Variants in MICAL2 observed in about 807,000 individuals in gnomAD.
MICAL2 encodes the protein [F-actin]-monooxygenase MICAL2.
MICAL2 carries 77 observed loss-of-function variants against 127.3 expected under a neutral mutation model. The observed-to-expected ratio is 0.60, with a 90% CI of 0.50 to 0.73. The LOEUF is 0.73. MICAL2 is among the 30% of genes least tolerant of loss of function. The pLI, the probability that MICAL2 is intolerant of heterozygous loss-of-function variation, is 0.00. For synonymous variants in MICAL2, 570 were observed against 551.1 expected (o/e 1.03, Z -0.48); for missense variants, 1,351 against 1,434.4 (o/e 0.94, Z 0.94).
chr11:12,226,471 G>A (rs1289185706), intron 14 of MICAL2, 101 bp downstream of exon 14: 5 of 1,233,466 alleles, frequency 4.1e-6, no homozygotes, highest in Admixed American at 2.1e-5. Flanking sequence ...TTCTGGGGCT[G>A]CCCAGTGTGT....
intron 3 of MICAL2, among the ~76,000 whole-genome samples, chr11:12,200,209 G>A (rs1386904444): frequency 1.3e-5 from 2 of 152,234 alleles, no homozygotes; most frequent in Non-Finnish European, 2.9e-5. Flanking sequence ...GACCCGCAGA[G>A]CTGGTTCTGG....
intron 3 of MICAL2, among the ~76,000 whole-genome samples, chr11:12,200,396 G>A (rs1296734911): frequency 6.6e-6 from 1 of 152,204 alleles, no homozygotes; most frequent in Non-Finnish European, 1.5e-5. Flanking sequence ...ACCACATCCA[G>A]CATCCAGAGC....
rs1237527146 is a variant in MICAL2 at position 12,242,205 on chromosome 11, C to G, written c.2338-9C>G. 6 of 1,593,358 alleles carry G rather than the reference C, an allele frequency of 3.8e-6. No homozygotes were observed. The highest frequency in any genetic ancestry group is 4.3e-6 in the Non-Finnish European group (5 of 1,165,428). ...TAGGGAAGGAAGCTTAATTTTCCCT[C>G]TTTCCCAGTTCCCCTCTGTGGTCGT... On this transcript the variant is annotated splice_polypyrimidine_tract_variant and intron_variant, in intron 18 of 27. Transcript: ENST00000683283.
chr11:12,281,696 G>A (rs1863773541), intron 2 of MICAL2, among the ~76,000 whole-genome samples: 1 of 152,226 alleles, frequency 6.6e-6, no homozygotes, highest in Admixed American at 6.5e-5. Flanking sequence ...GGGGTAACTA[G>A]TGCGAAGCCT....
At chr11:12,185,066 A>G (rs112900349) in intron 3 of MICAL2, among the ~76,000 whole-genome samples, 2 of 36,890 alleles carry the variant, frequency 5.4e-5, no homozygotes, top group African/African-American at 2.1e-4. Context: ...GTTAGCTTTC[A>G]TTCAGCAAGG....
chr11:12,256,881 G>A lies in MICAL2; in HGVS notation c.3052G>A (p.Glu1018Lys), dbSNP rs757654823. 24 of 1,614,062 alleles carry A rather than the reference G, an allele frequency of 1.5e-5. No individual in the cohort carries two copies. Among genetic ancestry groups the A allele is most frequent in the East Asian group, 2.2e-5 (1 of 44,890 alleles). ...GTACGTGATGGAACGGCTGAGCGCC[G>A]AGGGCCACTTCTTCCACCGGGAGTG... ...RVYVMERLSAEGHFFHRECFR... is the reference protein window; with the variant it reads ...RVYVMERLSAKGHFFHRECFR... Residue 1018 changes from glutamate to lysine, a missense_variant, in exon 24 of 28, where the codon GAG (glutamate) becomes AAG (lysine). This residue lies in a region of MICAL2 where 752 missense variants were observed against 719.4 expected (regional missense o/e 1.05). Transcript: ENST00000683283.
At chr11:12,208,279 C>A (rs1040259989) in intron 5 of MICAL2, 140 bp downstream of exon 5, 5 of 600,958 alleles carry the variant, frequency 8.3e-6, no homozygotes, top group Middle Eastern at 4.4e-4. Context: ...GGGTATTTTA[C>A]TGTTTTTTTT....
intron 1 of MICAL2, among the ~76,000 whole-genome samples, chr11:12,119,218 G>A (rs1265191924): frequency 6.6e-6 from 1 of 152,176 alleles, no homozygotes; most frequent in African/African-American, 2.4e-5. Flanking sequence ...GCTGTTTATG[G>A]CTGCTCTCTG....
chr11:12,289,821 G>T (rs1217321592), downstream of MICAL2, among the ~76,000 whole-genome samples: 1 of 152,004 alleles, frequency 6.6e-6, no homozygotes, highest in East Asian at 1.9e-4. Flanking sequence ...CATCCACCTC[G>T]GCCTCCAAAA....
intron 34 of MICAL2, among the ~76,000 whole-genome samples, chr11:12,357,986 C>T (rs1325643437): frequency 6.6e-6 from 1 of 152,140 alleles, no homozygotes; most frequent in Non-Finnish European, 1.5e-5. Flanking sequence ...GTTAGCTTCT[C>T]TTTGGGGCAG....
intron 3 of MICAL2, among the ~76,000 whole-genome samples, chr11:12,163,415 G>A (rs1219531425): frequency 6.6e-6 from 1 of 152,226 alleles, no homozygotes; most frequent in Non-Finnish European, 1.5e-5. Flanking sequence ...GGGACAAGAG[G>A]ATTGAACTCT....
chr11:12,177,517 C>G (rs1424161483), intron 3 of MICAL2, among the ~76,000 whole-genome samples: 1 of 152,120 alleles, frequency 6.6e-6, no homozygotes, highest in African/African-American at 2.4e-5. Context: ...TCAAATTTGT[C>G]TATTTTTCCA....
At chr11:12,287,787 A>T (rs748139731), downstream of MICAL2, among the ~76,000 whole-genome samples, 3 of 152,182 alleles carry the variant, frequency 2.0e-5, no homozygotes, top group Non-Finnish European at 2.9e-5. Flanking sequence ...GCATCTAGGC[A>T]GGCCGGGGAT....
intron 29 of MICAL2, among the ~76,000 whole-genome samples, chr11:12,313,228 T>C (rs1479970641): frequency 6.6e-6 from 1 of 151,538 alleles, no homozygotes; most frequent in African/African-American, 2.4e-5. Flanking sequence ...TATTTCTTTA[T>C]GGACAGTTTT....
chr11:12,309,962 C>A (rs1030410953), intron 29 of MICAL2, among the ~76,000 whole-genome samples: 1 of 152,034 alleles, frequency 6.6e-6, no homozygotes, highest in Non-Finnish European at 1.5e-5. Flanking sequence ...CACTTGTTGG[C>A]CACTTGTATG....
At chr11:12,169,375 C>A (rs61133544) in intron 3 of MICAL2, among the ~76,000 whole-genome samples, 671 of 59,090 alleles carry the variant, frequency 0.011, 6 homozygotes, top group African/African-American at 0.032. Context: ...ATAGCACCAT[C>A]TCTTTTATTT....
In MICAL2 at chr11:12,223,260, A is replaced by G. The variant is rs186933556; in HGVS notation, c.1450-151A>G. 2.1e-3 allele frequency: 1,322 copies of G among 629,666 alleles called. 17 individuals are homozygous for G. In the East Asian group the frequency reaches 0.026, roughly 12 times the overall value. The allele number at this position is 629,666 out of a possible 1,614,324, so 39.0% of individuals were successfully genotyped here. On this transcript the variant is annotated intron_variant, in intron 11 of 27. Coordinates refer to ENST00000683283, the MANE Select transcript of MICAL2 (RefSeq NM_001282663.2). ...TTGAGGCCCATTGCTCTATGACTGA[A>G]GTTGCCTGCGTTCCCTTGCCGAAGG...
chr11:12,156,783 T>G (rs1263751508), intron 2 of MICAL2, among the ~76,000 whole-genome samples: 1 of 152,222 alleles, frequency 6.6e-6, no homozygotes, highest in Non-Finnish European at 1.5e-5. Context: ...CCTGGCTGGC[T>G]CCTGCCTCAT....
In MICAL2 at chr11:12,242,307, GC is replaced by G; in HGVS notation, c.2433del (p.Lys812SerfsTer132). 1 of 1,614,164 alleles carries G rather than the reference GC, an allele frequency of 6.2e-7. No homozygotes were observed. The highest frequency in any genetic ancestry group is 8.5e-7 in the Non-Finnish European group (1 of 1,180,004). On this transcript the variant is annotated frameshift_variant, in exon 19 of 28. Transcript: ENST00000683283. LOFTEE classifies it high-confidence loss of function. ...ECLSRPWRARAKSDLQLGGTE... is the reference protein window; with the variant it reads ...ECLSRPWRARXKSDLQLGGTE... ...CCTGAGCAGACCTTGGAGAGCCAGA[GC>G]CAAGTCTGACCTACAGCTGGGTGGG...
Sources: gnomAD v4.1 joint callset for allele counts (sites outside exome capture counted in the v4.1 genomes callset) on GRCh38, gnomAD v4.1.1 for gene constraint, gnomAD v4.1.1 regional missense constraint, MANE v1.5 for transcripts, NCBI Gene and HGNC (gene_info 2026-07-23, HGNC 2026-07-21) for gene names.